Variants in SNCAIP observed in about 807,000 individuals in gnomAD.
SNCAIP encodes synuclein alpha interacting protein.
SNCAIP carries 43 observed loss-of-function variants against 86.7 expected under a neutral mutation model. That is an observed-to-expected ratio of 0.50 (90% CI 0.39 to 0.64). The LOEUF is 0.64. Ranked by LOEUF, SNCAIP falls within the 30% of genes least tolerant of loss-of-function variation. The probability of loss-of-function intolerance (pLI) is 0.00; values close to 1 mark genes in which losing one functional copy is unlikely to be tolerated. For synonymous variants in SNCAIP, 417 were observed against 427.2 expected (o/e 0.98, Z 0.29); for missense variants, 981 against 1,103.1 (o/e 0.89, Z 1.57).
chr5:122,349,819 C>G (rs1054976241), intron 1 of SNCAIP, among the ~76,000 whole-genome samples: 1 of 152,136 alleles, frequency 6.6e-6, no homozygotes, highest in Non-Finnish European at 1.5e-5. Context: ...GGTGCTTCAT[C>G]GGGCCATGAT....
intron 1 of SNCAIP, among the ~76,000 whole-genome samples, chr5:122,368,010 T>C (rs1763522414): frequency 6.6e-6 from 1 of 152,200 alleles, no homozygotes; most frequent in Non-Finnish European, 1.5e-5. Context: ...AAACCTTTCA[T>C]AATTCATACA....
chr5:122,440,685 T>C lies in SNCAIP; in HGVS notation c.1353T>C (p.Asp451=). Residue 451 remains aspartate (D), a synonymous_variant, in exon 7 of 11, where the codon GAT becomes GAC. Coordinates refer to ENST00000261368, the MANE Select transcript of SNCAIP (RefSeq NM_005460.4). ...QFMQEQGISL[D]EVDQDGNSAV... Reference sequence around the variant, plus strand: ...TGCAAGAACAGGGCATCTCGTTGGATGAAGTAGACCAGGATGGCAACAGTG... The same window carrying C: ...TGCAAGAACAGGGCATCTCGTTGGACGAAGTAGACCAGGATGGCAACAGTG... The C allele has an allele frequency of 6.2e-7, 1 of 1,614,074 alleles. No homozygotes were observed.
intron 1 of SNCAIP, among the ~76,000 whole-genome samples, chr5:122,349,396 A>C (rs1759318285): frequency 6.6e-6 from 1 of 152,060 alleles, no homozygotes; most frequent in Non-Finnish European, 1.5e-5. Flanking sequence ...CACTGATAAT[A>C]CCTCTAAAGG....
At chr5:122,322,478 A>G (rs543204858) in intron 1 of SNCAIP, among the ~76,000 whole-genome samples, 1 of 152,344 alleles carries the variant, frequency 6.6e-6, no homozygotes, top group Non-Finnish European at 1.5e-5. Context: ...CCTCAGGCCC[A>G]CTTAAAGAGT....
chr5:122,343,161 A>G (rs915032488), intron 1 of SNCAIP, among the ~76,000 whole-genome samples: 2 of 152,160 alleles, frequency 1.3e-5, no homozygotes, highest in Non-Finnish European at 2.9e-5. Flanking sequence ...GCTGAAACCA[A>G]CTTAGGAATT....
intron 1 of SNCAIP, among the ~76,000 whole-genome samples, chr5:122,316,986 A>G (rs1751877153): frequency 6.6e-6 from 1 of 152,244 alleles, no homozygotes; most frequent in South Asian, 2.1e-4. Context: ...GCACAAGTCT[A>G]AAACCCCTGA....
chr5:122,317,828 G>C (rs761648605), intron 1 of SNCAIP, among the ~76,000 whole-genome samples: 2 of 152,072 alleles, frequency 1.3e-5, no homozygotes, highest in African/African-American at 4.8e-5. Flanking sequence ...GAATGATCTC[G>C]ATCTGACCTT....
intron 1 of SNCAIP, among the ~76,000 whole-genome samples, chr5:122,362,050 A>G (rs1198176261): frequency 6.6e-6 from 1 of 152,234 alleles, no homozygotes; most frequent in Non-Finnish European, 1.5e-5. Flanking sequence ...ATTTGCCTGC[A>G]TCAAATAATT....
intron 1 of SNCAIP, among the ~76,000 whole-genome samples, chr5:122,336,426 CTCT>C (rs1464717731): frequency 6.6e-6 from 1 of 152,312 alleles, no homozygotes; most frequent in African/African-American, 2.4e-5. Context: ...CATATTAAAG[CTCT>C]TCTTCTTGTT....
chr5:122,312,027 G>A (rs911734122), upstream of SNCAIP: 1 of 146,902 alleles, frequency 6.8e-6, no homozygotes, highest in Non-Finnish European at 1.5e-5. Context: ...CCGGCCGGGC[G>A]CCCGCGCTGC....
chr5:122,368,374 T>A (rs1357762212), intron 1 of SNCAIP, among the ~76,000 whole-genome samples: 1 of 152,146 alleles, frequency 6.6e-6, no homozygotes, highest in Admixed American at 6.6e-5. Context: ...TGCAGAACTT[T>A]TCGTCATGGC....
intron 3 of SNCAIP, among the ~76,000 whole-genome samples, chr5:122,420,567 G>A (rs1776173954): frequency 7.7e-6 from 1 of 129,446 alleles, no homozygotes; most frequent in Admixed American, 8.1e-5. Context: ...TCTCAGAAAT[G>A]TCTATGAGTA....
At chr5:122,318,966 CTTTTTTTT>C (rs58667095) in intron 1 of SNCAIP, among the ~76,000 whole-genome samples, 54 of 130,656 alleles carry the variant, frequency 4.1e-4, no homozygotes, top group African/African-American at 5.9e-4. Flanking sequence ...CTGTTATCAT[CTTTTTTTT>C]TTTTTTTTTT....
intron 1 of SNCAIP, among the ~76,000 whole-genome samples, chr5:122,352,261 G>T (rs1234910738): frequency 6.6e-6 from 1 of 152,098 alleles, no homozygotes; most frequent in Non-Finnish European, 1.5e-5. Context: ...TTGTTACAAA[G>T]TTTCCCGTGA....
intron 5 of SNCAIP, among the ~76,000 whole-genome samples, chr5:122,431,010 T>A (rs1322572780): frequency 6.6e-6 from 1 of 152,182 alleles, no homozygotes; most frequent in Non-Finnish European, 1.5e-5. Flanking sequence ...AAATATGAGT[T>A]TACTGATTTT....
intron 1 of SNCAIP, among the ~76,000 whole-genome samples, chr5:122,337,394 A>C (rs1485555614): frequency 6.6e-6 from 1 of 152,078 alleles, no homozygotes; most frequent in Non-Finnish European, 1.5e-5. Flanking sequence ...GGCCTTCTTG[A>C]TTAGAATGCC....
Position 122,451,358 on chromosome 5 carries a change from CAA to C in SNCAIP, c.2513_2514del (p.Lys838ArgfsTer2). On this transcript the variant is annotated frameshift_variant, in exon 10 of 11. Coordinates refer to ENST00000261368, the MANE Select transcript of SNCAIP (RefSeq NM_005460.4). LOFTEE classifies it high-confidence loss of function. ...PSLELNGEKD[K>X]DKGRTLQRTS... ...GCCTTGAACTGAATGGAGAAAAAGA[CAA>C]AGATAAGGGCAGGACTCTCCAGCGG... 6.2e-7 allele frequency: 1 copy of C among 1,614,106 alleles called. No homozygotes were observed. The highest frequency in any genetic ancestry group is 8.5e-7 in the Non-Finnish European group (1 of 1,180,008).
Position 122,450,573 on chromosome 5 carries a change from T to G in SNCAIP, c.1726T>G (p.Ser576Ala), listed in dbSNP as rs1179001208. The change falls in exon 10 of 11, where the codon TCT becomes GCT. Residue 576 changes from serine to alanine, a missense_variant. By Grantham distance (99) the Ser-to-Ala change is moderately conservative (BLOSUM62 1). Transcript: ENST00000261368. Reference sequence around the variant, plus strand: ...TGCCTCCAGAAAGTCCCAGTGGAAATCTCCAGATGCAGATGATGATTCTGT... The same window carrying G: ...TGCCTCCAGAAAGTCCCAGTGGAAAGCTCCAGATGCAGATGATGATTCTGT... ...SPASRKSQWK[S>A]PDADDDSVAK... 6.2e-7 allele frequency: 1 copy of G among 1,614,016 alleles called. No homozygotes were observed. The highest frequency in any genetic ancestry group is 1.1e-5 in the South Asian group (1 of 91,076).
chr5:122,338,767 G>T (rs1756994497), intron 1 of SNCAIP, among the ~76,000 whole-genome samples: 1 of 152,136 alleles, frequency 6.6e-6, no homozygotes, highest in South Asian at 2.1e-4. Flanking sequence ...TGTCATTCAT[G>T]TCTGTTTGCC....
Sources: gnomAD v4.1 joint callset for allele counts (sites outside exome capture counted in the v4.1 genomes callset) on GRCh38, gnomAD v4.1.1 for gene constraint, MANE v1.5 for transcripts, NCBI Gene and HGNC (gene_info 2026-07-23, HGNC 2026-07-21) for gene names.